Variants in COL21A1 observed in about 807,000 individuals in gnomAD.
COL21A1 encodes collagen alpha-1(XXI) chain.
Under a neutral mutation model 137.9 loss-of-function variants are expected in COL21A1, and 149 were observed. The ratio of observed to expected loss-of-function variants is 1.08; its 90% CI spans 0.95 to 1.24. The LOEUF (loss-of-function observed/expected upper bound fraction) is 1.24. Ranked by LOEUF, COL21A1 falls within the 50% of genes most tolerant of loss-of-function variation. The pLI is 0.00. For missense variants in COL21A1, 1,167 were observed against 1,158.4 expected, an observed-to-expected ratio of 1.01 and a Z score of -0.11; for synonymous variants, 456 against 391.5, an observed-to-expected ratio of 1.16 and a Z score of -1.95.
rs1421488355 is a variant in COL21A1 at position 56,170,747 on chromosome 6, C to A, written c.928G>T (p.Ala310Ser). The A allele has an allele frequency of 6.2e-7, 1 of 1,608,116 alleles. No individual in the cohort carries two copies. Among genetic ancestry groups the A allele is most frequent in the Non-Finnish European group, 8.5e-7 (1 of 1,176,374 alleles). Residue 310 changes from alanine (A) to serine (S), a missense_variant, in exon 5 of 30, where the codon GCA becomes TCA. Coordinates refer to ENST00000244728, the MANE Select transcript of COL21A1 (RefSeq NM_030820.4). ...TTGTCCACACCATTTAAGGTAACTG[C>A]TATTTGTGGCCTTCCATCAATAGTT... ...ILTIDGRPQI[A>S]VTLNGVDKIL... is the part of the protein sequence containing the mutation.
intron 12 of COL21A1, among the ~76,000 whole-genome samples, chr6:56,132,460 T>A (rs527903127): frequency 6.6e-6 from 1 of 152,230 alleles, no homozygotes; most frequent in African/African-American, 2.4e-5. Flanking sequence ...TTAAGTCAGA[T>A]CATGAAGTGA....
At chr6:56,297,147 T>C (rs1764181121) in intron 1 of COL21A1, among the ~76,000 whole-genome samples, 1 of 152,072 alleles carries the variant, frequency 6.6e-6, no homozygotes, top group South Asian at 2.1e-4. Flanking sequence ...GGGAATTAAA[T>C]GCAGGCCAAA....
rs777712759 is a variant in COL21A1, at chr6:56,059,184, TTG to T, written c.2665_2666del (p.Gln889ArgfsTer54). ...GSQGFGYPGE[Q>X]GPPGPPGPEG... ...TCTCACCTGGGGGACCAGGAGGACCTTGTTCTCCAGGATACCCAAACCCTTGG... is the reference window on the plus strand; with the variant it reads ...TCTCACCTGGGGGACCAGGAGGACCTTTCTCCAGGATACCCAAACCCTTGG... On this transcript the variant is annotated frameshift_variant, in exon 29 of 30. Transcript: ENST00000244728. LOFTEE classifies it high-confidence loss of function. 6.8e-6 allele frequency: 11 copies of T among 1,612,150 alleles called. No homozygotes were observed. The highest frequency in any genetic ancestry group is 7.6e-6 in the Non-Finnish European group (9 of 1,179,204).
chr6:56,271,943 G>A (rs1027055991), intron 1 of COL21A1, among the ~76,000 whole-genome samples: 2 of 152,250 alleles, frequency 1.3e-5, no homozygotes, highest in African/African-American at 4.8e-5. Flanking sequence ...ATCGGAGGAT[G>A]TATGGAAATG....
chr6:56,146,072 C>G (rs1271882432), intron 10 of COL21A1, among the ~76,000 whole-genome samples: 1 of 152,070 alleles, frequency 6.6e-6, no homozygotes, highest in Non-Finnish European at 1.5e-5. Context: ...ATAAAATATT[C>G]TGCCAATCTA....
intron 10 of COL21A1, among the ~76,000 whole-genome samples, chr6:56,150,565 C>CAAAA (rs752881244): frequency 2.7e-5 from 3 of 112,710 alleles, no homozygotes; most frequent in East Asian, 2.3e-4. Context: ...CACACACACA[C>CAAAA]AAGAGTGGGG....
chr6:56,255,862 G>A (rs751693856), intron 1 of COL21A1, among the ~76,000 whole-genome samples: 1 of 152,142 alleles, frequency 6.6e-6, no homozygotes, highest in Non-Finnish European at 1.5e-5. Flanking sequence ...CACCGCAGCC[G>A]CTGTCTGAGA....
In COL21A1 at chr6:56,268,324, G is replaced by A. The variant is rs72877977; in HGVS notation, c.-38-85668C>T. Among the ~76,000 whole-genome samples, 1,184 of 152,216 alleles carry A rather than the reference G, an allele frequency of 7.8e-3. 15 individuals are homozygous for A. Among genetic ancestry groups the A allele is most frequent in the African/African-American group, 0.023 (952 of 41,518 alleles). Reference sequence around the variant, plus strand: ...CATCTAATAAAGGAAACATGGGTGCGGTTCCAGGGATCAGAATGAGCTTTC... The same window carrying A: ...CATCTAATAAAGGAAACATGGGTGCAGTTCCAGGGATCAGAATGAGCTTTC... On this transcript the variant is annotated intron_variant, in intron 1 of 28. Coordinates refer to the COL21A1 transcript ENST00000370819.
chr6:56,378,795 A>C (rs1226431755), intron 1 of COL21A1, among the ~76,000 whole-genome samples: 1 of 152,236 alleles, frequency 6.6e-6, no homozygotes, highest in Non-Finnish European at 1.5e-5. Flanking sequence ...TGCTGGCTTC[A>C]GGTCTGACCC....
chr6:56,169,128 G>A (rs1407698001), intron 5 of COL21A1, among the ~76,000 whole-genome samples: 2 of 151,862 alleles, frequency 1.3e-5, no homozygotes, highest in African/African-American at 2.4e-5. Flanking sequence ...TCTTCAACTT[G>A]ACTCAAATTC....
chr6:56,353,137 G>A (rs1363970895), intron 1 of COL21A1, among the ~76,000 whole-genome samples: 2 of 152,104 alleles, frequency 1.3e-5, no homozygotes, highest in Non-Finnish European at 2.9e-5. Context: ...ATCATGAAGT[G>A]GAGTTCAATT....
intron 1 of COL21A1, among the ~76,000 whole-genome samples, chr6:56,200,554 T>C (rs1380033524): frequency 6.7e-6 from 1 of 149,066 alleles, no homozygotes; most frequent in African/African-American, 2.5e-5. Context: ...ACATGCAGTG[T>C]TTGGTTTTTT....
Position 56,372,788 on chromosome 6 carries a change from T to C in COL21A1, c.-39+21183A>G, listed in dbSNP as rs375988365. On this transcript the variant is annotated intron_variant, in intron 1 of 28. Coordinates refer to the COL21A1 transcript ENST00000370819. ...ATTCTGCAGTCCAGTTCTCCCATGA[T>C]AGGGAAGGTGGCTGTTGTAATGGTA... Among the ~76,000 whole-genome samples the C allele has an allele frequency of 1.2e-4, 19 of 152,320 alleles. No homozygotes were observed. The East Asian group carries it at 1.9e-3, about 15-fold the overall frequency.
intron 14 of COL21A1, 39 bp downstream of exon 14, chr6:56,125,528 A>C (rs1561892540): frequency 1.4e-6 from 2 of 1,447,310 alleles, no homozygotes; most frequent in South Asian, 2.5e-5. Context: ...TTACATTAAA[A>C]GTTCAATATG....
chr6:56,177,385 AG>A (rs988268159), intron 3 of COL21A1, among the ~76,000 whole-genome samples: 3 of 152,104 alleles, frequency 2.0e-5, no homozygotes, highest in Non-Finnish European at 2.9e-5. Context: ...TATGTGTCAA[AG>A]AAAAAGCATG....
chr6:56,119,262 G>A (rs150858324), intron 16 of COL21A1, among the ~76,000 whole-genome samples: 77 of 152,226 alleles, frequency 5.1e-4, no homozygotes, highest in Middle Eastern at 3.4e-3. Flanking sequence ...AAAATCAGTA[G>A]CATCTCTATA....
chr6:56,374,593 G>A (rs982468257), intron 1 of COL21A1, among the ~76,000 whole-genome samples: 4 of 151,832 alleles, frequency 2.6e-5, no homozygotes, highest in Admixed American at 6.6e-5. Context: ...ATGGTGGCGC[G>A]TACCTGGAGT....
At chr6:56,369,449 A>T (rs186131661) in intron 1 of COL21A1, among the ~76,000 whole-genome samples, 1,709 of 139,932 alleles carry the variant, frequency 0.012, 34 homozygotes, top group South Asian at 0.025. Context: ...AAATATTGAT[A>T]AAAAAAGTGT....
At chr6:56,369,877 G>T (rs1300843964) in intron 1 of COL21A1, among the ~76,000 whole-genome samples, 2 of 152,140 alleles carry the variant, frequency 1.3e-5, no homozygotes, top group Non-Finnish European at 2.9e-5. Flanking sequence ...GCTATTAAAG[G>T]TAATCACACT....
Sources: allele counts gnomAD v4.1 joint callset (sites outside exome capture counted in the v4.1 genomes callset), GRCh38; gene constraint gnomAD v4.1.1; transcripts MANE v1.5; gene names NCBI Gene and HGNC (gene_info 2026-07-23, HGNC 2026-07-21).